The following TNKS variants were observed in gnomAD, a reference collection of about 807,000 sequenced individuals.
TNKS encodes tankyrase.
A neutral mutation model predicts 135.8 loss-of-function variants in TNKS; 72 were observed. The ratio of observed to expected loss-of-function variants is 0.53; its 90% confidence interval spans 0.44 to 0.64. The LOEUF is 0.64. TNKS is among the 30% of genes least tolerant of loss of function. TNKS has a pLI of 0.00. For synonymous variants in TNKS, 849 were observed against 649.3 expected, an observed-to-expected ratio of 1.31 and a Z score of -4.68; for missense variants, 1,769 against 1,674.0, an observed-to-expected ratio of 1.06 and a Z score of -0.99.
intron 11 of TNKS, 43 bp downstream of exon 11, chr8:9,710,263 C>T: frequency 7.0e-6 from 11 of 1,576,832 alleles, no homozygotes; most frequent in Non-Finnish European, 9.6e-6. Flanking sequence ...CAGCACTGAG[C>T]AGCCAGCTGC....
chr8:9,641,536 A>G lies in TNKS; in HGVS notation c.994+25859A>G, dbSNP rs1800732131. ...TATAGGATATGGAATTCTACTTACC[A>G]TTGCCTAATACATTGACAGAACTTG... On this transcript the variant is annotated intron_variant, in intron 3 of 26. Coordinates refer to ENST00000310430, the MANE Select transcript of TNKS (RefSeq NM_003747.3). Among the ~76,000 whole-genome samples, 3 of 145,902 alleles carry G rather than the reference A, an allele frequency of 2.1e-5. 1 individual carries two copies. In the South Asian group the frequency reaches 6.6e-4, roughly 32 times the overall value.
At chr8:9,724,867 G>A (rs1805084122) in intron 12 of TNKS, among the ~76,000 whole-genome samples, 1 of 152,138 alleles carries the variant, frequency 6.6e-6, no homozygotes, top group African/African-American at 2.4e-5. Context: ...ATCAAGATAT[G>A]TGTTCCAATT....
chr8:9,721,782 G>A (rs934166560), intron 12 of TNKS, among the ~76,000 whole-genome samples: 5 of 152,052 alleles, frequency 3.3e-5, no homozygotes, highest in African/African-American at 1.2e-4. Flanking sequence ...GATCGGGCAT[G>A]GTGGCTGACG....
At chr8:9,654,185 G>C (rs1801255719) in intron 3 of TNKS, among the ~76,000 whole-genome samples, 1 of 152,204 alleles carries the variant, frequency 6.6e-6, no homozygotes, top group South Asian at 2.1e-4. Flanking sequence ...AACTGCACCA[G>C]AATCACAAGA....
At chr8:9,642,291 A>T (rs1304426063) in intron 3 of TNKS, among the ~76,000 whole-genome samples, 1 of 146,596 alleles carries the variant, frequency 6.8e-6, no homozygotes, top group African/African-American at 2.5e-5. Flanking sequence ...ATGTAAAGAG[A>T]GAATAGTTTT....
At chr8:9,567,185 G>C (rs1389976564) in intron 1 of TNKS, among the ~76,000 whole-genome samples, 1 of 152,240 alleles carries the variant, frequency 6.6e-6, no homozygotes, top group Non-Finnish European at 1.5e-5. Flanking sequence ...CCCCAAGGGA[G>C]CTACTAGTGA....
intron 11 of TNKS, among the ~76,000 whole-genome samples, chr8:9,715,421 G>A (rs1003408017): frequency 1.3e-5 from 2 of 152,078 alleles, no homozygotes; most frequent in Admixed American, 1.3e-4. Flanking sequence ...GGTTCTTGGT[G>A]CTGGAAGATG....
At chr8:9,698,882 T>C (rs1039300487) in intron 5 of TNKS, among the ~76,000 whole-genome samples, 10 of 152,270 alleles carry the variant, frequency 6.6e-5, no homozygotes, top group Non-Finnish European at 1.2e-4. Context: ...CTTTAATTTA[T>C]AGGACTTCCT....
At chr8:9,776,005 A>G (rs1300300856) in intron 26 of TNKS, among the ~76,000 whole-genome samples, 1 of 151,888 alleles carries the variant, frequency 6.6e-6, no homozygotes, top group Non-Finnish European at 1.5e-5. Flanking sequence ...TCCTGCTCCC[A>G]CCAAGAAGAA....
chr8:9,617,064 C>G (rs1381413050), intron 3 of TNKS, among the ~76,000 whole-genome samples: 14 of 152,218 alleles, frequency 9.2e-5, no homozygotes, highest in Non-Finnish European at 1.9e-4. Flanking sequence ...ACTCTCAACA[C>G]CCGCTTTGTC....
At chr8:9,763,643 A>G (rs200087709) in intron 22 of TNKS, among the ~76,000 whole-genome samples, 1 of 152,214 alleles carries the variant, frequency 6.6e-6, no homozygotes, top group East Asian at 1.9e-4. Flanking sequence ...TGACTATAAA[A>G]TAATATGCCT....
At chr8:9,691,278 C>T (rs898529876) in intron 5 of TNKS, among the ~76,000 whole-genome samples, 15 of 152,104 alleles carry the variant, frequency 9.9e-5, no homozygotes, top group Admixed American at 8.5e-4. Flanking sequence ...CTTTTTTTGT[C>T]CTGCTATATT....
chr8:9,672,580 A>C (rs768952999), intron 3 of TNKS, among the ~76,000 whole-genome samples: 7 of 150,840 alleles, frequency 4.6e-5, no homozygotes, highest in Non-Finnish European at 1.0e-4. Context: ...ACTATTGCCA[A>C]GTTGTTTTGG....
chr8:9,769,871 G>A (rs950722976), intron 25 of TNKS, among the ~76,000 whole-genome samples: 5 of 152,042 alleles, frequency 3.3e-5, no homozygotes, highest in South Asian at 2.1e-4. Flanking sequence ...TTCTATGGCC[G>A]ATTCCTAAGC....
At chr8:9,560,121 A>G (rs1273481678) in intron 1 of TNKS, among the ~76,000 whole-genome samples, 3 of 152,172 alleles carry the variant, frequency 2.0e-5, no homozygotes, top group Non-Finnish European at 4.4e-5. Context: ...ACCAATTTAG[A>G]GTGATACCTC....
intron 6 of TNKS, among the ~76,000 whole-genome samples, chr8:9,705,688 T>C (rs1282323140): frequency 6.6e-6 from 1 of 152,226 alleles, no homozygotes; most frequent in Admixed American, 6.5e-5. Flanking sequence ...TCCTTGTGCA[T>C]GTCTGAAAAC....
At chr8:9,625,071 CATT>C (rs543964817) in intron 3 of TNKS, among the ~76,000 whole-genome samples, 1 of 151,918 alleles carries the variant, frequency 6.6e-6, no homozygotes, top group East Asian at 1.9e-4. Flanking sequence ...CTAATCATTT[CATT>C]ATTATTATTA....
At chr8:9,707,918 G>C (rs903516137) in intron 8 of TNKS, among the ~76,000 whole-genome samples, 1 of 152,198 alleles carries the variant, frequency 6.6e-6, no homozygotes, top group Admixed American at 6.5e-5. Context: ...GTAGTAGCAA[G>C]AGTAGTGACA....
At chr8:9,639,231 C>T (rs939634130) in intron 3 of TNKS, among the ~76,000 whole-genome samples, 2 of 152,012 alleles carry the variant, frequency 1.3e-5, no homozygotes, top group African/African-American at 2.4e-5. Context: ...CAGGAAAACT[C>T]GTTTATTTTT....
Sources: gnomAD v4.1 joint callset for allele counts (sites outside exome capture counted in the v4.1 genomes callset) on GRCh38, gnomAD v4.1.1 for gene constraint, MANE v1.5 for transcripts, NCBI Gene and HGNC (gene_info 2026-07-23, HGNC 2026-07-21) for gene names.